The following PPP1R12B variants were observed in gnomAD, a reference collection of about 807,000 sequenced individuals.
PPP1R12B encodes myosin phosphatase target subunit 2.
PPP1R12B carries 76 observed loss-of-function variants against 126.1 expected under a neutral mutation model. The observed-to-expected ratio is 0.60, with a 90% CI of 0.50 to 0.73. The LOEUF (loss-of-function observed/expected upper bound fraction) is 0.73, where lower values mean the gene tolerates loss of function less well. PPP1R12B is among the 30% of genes least tolerant of loss of function. PPP1R12B has a pLI of 0.00. For synonymous variants in PPP1R12B, 356 were observed against 434.7 expected, an observed-to-expected ratio of 0.82 and a Z score of 2.25; for missense variants, 1,052 against 1,205.1, an observed-to-expected ratio of 0.87 and a Z score of 1.88.
rs368590426 is a variant in PPP1R12B at position 202,515,905 on chromosome 1, C to G, written c.2490+19083C>G. Among the ~76,000 whole-genome samples the G allele has an allele frequency of 1.2e-4, 18 of 152,226 alleles. 1 individual carries two copies. The highest frequency in any genetic ancestry group is 4.3e-4 in the African/African-American group (18 of 41,544). On this transcript the variant is annotated intron_variant, in intron 18 of 23. Transcript: ENST00000608999. ...CCTTTCCTGGATCAGATGAACTTCCCTGAACCAATTTCTATAGCCAGAAAT... is the reference window on the plus strand; with the variant it reads ...CCTTTCCTGGATCAGATGAACTTCCGTGAACCAATTTCTATAGCCAGAAAT...
At chr1:202,423,118 G>A (rs895420692) in intron 3 of PPP1R12B, among the ~76,000 whole-genome samples, 1 of 152,172 alleles carries the variant, frequency 6.6e-6, no homozygotes, top group African/African-American at 2.4e-5. Flanking sequence ...CTTGTTGAGA[G>A]CTAAAAGTGG....
At chr1:202,390,948 C>G (rs1664055682) in intron 1 of PPP1R12B, among the ~76,000 whole-genome samples, 1 of 152,132 alleles carries the variant, frequency 6.6e-6, no homozygotes, top group Non-Finnish European at 1.5e-5. Context: ...CCTGTAGTCC[C>G]AGCTGCTGGA....
At chr1:202,551,369 AC>A (rs1369561535) in intron 18 of PPP1R12B, among the ~76,000 whole-genome samples, 20 of 152,312 alleles carry the variant, frequency 1.3e-4, no homozygotes, top group African/African-American at 4.3e-4. Flanking sequence ...ACTCTCTTAC[AC>A]ATATGTATAC....
chr1:202,542,050 C>T (rs1190916210), intron 18 of PPP1R12B, among the ~76,000 whole-genome samples: 2 of 152,174 alleles, frequency 1.3e-5, no homozygotes, highest in East Asian at 1.9e-4. Flanking sequence ...ATATACCACT[C>T]ATGTTCCATT....
chr1:202,471,824 A>C, intron 13 of PPP1R12B: 1 of 1,316,012 alleles, frequency 7.6e-7, no homozygotes, highest in South Asian at 1.3e-5. Flanking sequence ...AAATGTGTTT[A>C]TTGAGATGGT....
At chr1:202,469,868 A>C (rs932526030) in intron 13 of PPP1R12B, among the ~76,000 whole-genome samples, 1 of 152,168 alleles carries the variant, frequency 6.6e-6, no homozygotes, top group Non-Finnish European at 1.5e-5. Flanking sequence ...GAGCTAATGG[A>C]AAGTTCAGAA....
chr1:202,354,062 CTTG>C (rs1433411558), intron 1 of PPP1R12B, among the ~76,000 whole-genome samples: 1 of 152,224 alleles, frequency 6.6e-6, no homozygotes, highest in Non-Finnish European at 1.5e-5. Flanking sequence ...TTGGACCAGT[CTTG>C]TTGTTAACAT....
In PPP1R12B at chr1:202,478,310, T is replaced by C. The variant is rs548263078; in HGVS notation, c.1851-10223T>C. ...GATTTGGCCCAAGATCATAGTTTGC[T>C]GACCAGCTGGTCTAGATTTTAGAAA... On this transcript the variant is annotated intron_variant, in intron 13 of 23. Coordinates refer to ENST00000608999, the MANE Select transcript of PPP1R12B (RefSeq NM_002481.4). Among the ~76,000 whole-genome samples the C allele has an allele frequency of 2.0e-3, 305 of 152,384 alleles. 1 individual carries two copies. The highest frequency in any genetic ancestry group is 7.0e-3 in the African/African-American group (292 of 41,594).
At chr1:202,363,350 T>C (rs191495378) in intron 1 of PPP1R12B, among the ~76,000 whole-genome samples, 111 of 152,344 alleles carry the variant, frequency 7.3e-4, no homozygotes, top group Non-Finnish European at 1.3e-3. Context: ...GTTGATTCCA[T>C]TTCCTATTAA....
At chr1:202,569,970 C>A (rs907695) in intron 23 of PPP1R12B, among the ~76,000 whole-genome samples, 1 of 151,950 alleles carries the variant, frequency 6.6e-6, no homozygotes, top group Non-Finnish European at 1.5e-5. Flanking sequence ...GTGAAAGGGG[C>A]AAGATGGATA....
At chr1:202,385,919 A>C (rs992375946) in intron 1 of PPP1R12B, among the ~76,000 whole-genome samples, 1 of 151,884 alleles carries the variant, frequency 6.6e-6, no homozygotes, top group African/African-American at 2.4e-5. Flanking sequence ...CAAGTGCCTC[A>C]AGAGCTATTT....
Position 202,493,186 on chromosome 1 carries a change from G to A in PPP1R12B, c.2014G>A (p.Glu672Lys). 3 of 1,612,560 alleles carry A rather than the reference G, an allele frequency of 1.9e-6. No individual in the cohort carries two copies. Among genetic ancestry groups the A allele is most frequent in the Non-Finnish European group, 2.5e-6 (3 of 1,179,860 alleles). Reference sequence around the variant, plus strand: ...GTCGAGGGCAGAGAGGCAAGCTCAGGAGCAGCCTCGTGAGAAGCCCACAGA... The same window carrying A: ...GTCGAGGGCAGAGAGGCAAGCTCAGAAGCAGCCTCGTGAGAAGCCCACAGA... Reference protein sequence around the residue: ...SRSRAERQAQEQPREKPTDTE... With the variant: ...SRSRAERQAQKQPREKPTDTE... The change falls in exon 15 of 24, where the codon GAG becomes AAG. Residue 672 changes from glutamate (E) to lysine (K), a missense_variant. Physicochemically the swap from Glu to Lys is moderately conservative, Grantham distance 56. Transcript: ENST00000608999.
chr1:202,358,892 GGTGCC>G (rs1657624843), intron 1 of PPP1R12B, among the ~76,000 whole-genome samples: 1 of 152,036 alleles, frequency 6.6e-6, no homozygotes. Context: ...AATATTTTAT[GGTGCC>G]ATGCTCTAAA....
At chr1:202,524,206 C>G (rs927031578) in intron 18 of PPP1R12B, among the ~76,000 whole-genome samples, 1 of 152,052 alleles carries the variant, frequency 6.6e-6, no homozygotes, top group Non-Finnish European at 1.5e-5. Context: ...GCCAACATTT[C>G]CTGGAAGGGC....
intron 23 of PPP1R12B, chr1:202,574,958 C>G (rs1303400070): frequency 1.3e-6 from 2 of 1,529,400 alleles, no homozygotes; most frequent in Non-Finnish European, 1.8e-6. Context: ...TCTTGTCTCT[C>G]TCTGTCTTTT....
At chr1:202,515,508 A>G (rs997399848) in intron 18 of PPP1R12B, among the ~76,000 whole-genome samples, 1 of 152,182 alleles carries the variant, frequency 6.6e-6, no homozygotes, top group African/African-American at 2.4e-5. Flanking sequence ...TTCTTTGCAT[A>G]GGCTTCAGAG....
intron 15 of PPP1R12B, among the ~76,000 whole-genome samples, chr1:202,495,014 A>G (rs1362587357): frequency 1.3e-5 from 2 of 151,598 alleles, no homozygotes; most frequent in Non-Finnish European, 2.9e-5. Context: ...AATGCTATCT[A>G]GTACCCTTTG....
chr1:202,528,443 C>A (rs1432614699), intron 18 of PPP1R12B, among the ~76,000 whole-genome samples: 1 of 152,202 alleles, frequency 6.6e-6, no homozygotes, highest in African/African-American at 2.4e-5. Context: ...CTCTAGGAAT[C>A]TAATAAATTT....
In PPP1R12B at chr1:202,427,092, A is replaced by G. The variant is rs1571960323; in HGVS notation, c.754A>G (p.Thr252Ala). The change falls in exon 5 of 24, where the codon ACT becomes GCT. Residue 252 changes from threonine (T) to alanine (A), a missense_variant. Coordinates refer to ENST00000608999, the MANE Select transcript of PPP1R12B (RefSeq NM_002481.4). ...ELNVQDYDGW[T>A]PLHAAAHWGV... ...CAATGTTCAGGATTATGATGGCTGG[A>G]CTCCCCTCCATGCTGCTGCACACTG... 3 of 1,613,778 alleles carry G rather than the reference A, an allele frequency of 1.9e-6. No individual in the cohort carries two copies. Among genetic ancestry groups the G allele is most frequent in the Non-Finnish European group, 2.5e-6 (3 of 1,179,980 alleles).
Sources: allele counts gnomAD v4.1 joint callset (sites outside exome capture counted in the v4.1 genomes callset), GRCh38; gene constraint gnomAD v4.1.1; transcripts MANE v1.5; gene names NCBI Gene and HGNC (gene_info 2026-07-23, HGNC 2026-07-21).